Variants in HDAC4 observed in about 807,000 individuals in gnomAD.
The protein encoded by HDAC4 is histone deacetylase 4.
HDAC4 carries 16 observed loss-of-function variants against 135.1 expected under a neutral mutation model. The ratio of observed to expected loss-of-function variants is 0.12; its 90% CI spans 0.08 to 0.18. The LOEUF is 0.18. Ranked by LOEUF, HDAC4 falls within the 10% of genes least tolerant of loss-of-function variation. The pLI, the probability that HDAC4 is intolerant of heterozygous loss-of-function variation, is 1.00. For synonymous variants in HDAC4, 685 were observed against 653.4 expected (o/e 1.05, Z -0.74); for missense variants, 1,143 against 1,511.8 (o/e 0.76, Z 4.05).
In HDAC4 at chr2:239,189,926, C is replaced by T; in HGVS notation, c.246G>A (p.Gln82=). 1 of 1,610,758 alleles carries T rather than the reference C, an allele frequency of 6.2e-7. No homozygotes were observed. The highest frequency in any genetic ancestry group is 8.5e-7 in the Non-Finnish European group (1 of 1,179,922). Residue 82 remains glutamine (Q), a synonymous_variant, in exon 4 of 27, where the codon CAG becomes CAA. Coordinates refer to ENST00000543185, the MANE Select transcript of HDAC4 (RefSeq NM_001378414.1). The part of the protein sequence containing the change: ...QQELLALKQK[Q]QIQRQILIAE... ...CGATGAGGATCTGCCTCTGGATCTG[C>T]TGCTTCTGCTTGAGCGCCAGGAGCT...
intron 8 of HDAC4, among the ~76,000 whole-genome samples, chr2:239,143,096 C>T (rs1575173165): frequency 6.6e-6 from 1 of 152,356 alleles, no homozygotes; most frequent in East Asian, 1.9e-4. Context: ...GCTCAAATTA[C>T]ATCACAAGCT....
rs947211118 is a variant in HDAC4, at chr2:239,303,043, C to A, written c.22+49635G>T. 1.3e-5 allele frequency among the ~76,000 whole-genome samples: 2 copies of A among 151,642 alleles called. No individual in the cohort carries two copies. The highest frequency in any genetic ancestry group is 4.8e-5 in the African/African-American group (2 of 41,286). On this transcript the variant is annotated intron_variant, in intron 2 of 26. Transcript: ENST00000543185. This position sits in a 1 kb window ranked among gnomAD's most constrained non-coding sequence, Gnocchi z 5.1. ...CCCTGCCACCTCGGGAGTCCTCAAA[C>A]CCCCCCCGGGTGGGAGAGGTCATCA...
chr2:239,243,618 G>A (rs998579117), intron 2 of HDAC4, among the ~76,000 whole-genome samples: 7 of 152,160 alleles, frequency 4.6e-5, no homozygotes, highest in East Asian at 3.8e-4. Context: ...TAGGGCTACT[G>A]GGAAACAGTA....
chr2:239,245,749 A>G lies in HDAC4; in HGVS notation c.23-9085T>C, dbSNP rs1047655240. On this transcript the variant is annotated intron_variant, in intron 2 of 26. Coordinates refer to ENST00000543185, the MANE Select transcript of HDAC4 (RefSeq NM_001378414.1). The surrounding 1 kb of genome is among the most constrained non-coding windows in gnomAD (Gnocchi z 4.4). ...TCATAACAATTTTTCAAGAGATGCC[A>G]GGAATAAAGACGAGCCTGCCCCCAC... 3.2e-4 allele frequency among the ~76,000 whole-genome samples: 48 copies of G among 152,184 alleles called. No homozygotes were observed. The highest frequency in any genetic ancestry group is 1.1e-3 in the African/African-American group (47 of 41,426).
In HDAC4 at chr2:239,052,278, C is replaced by T. The variant is rs999588099; in HGVS notation, c.*819G>A. 1.3e-5 allele frequency: 2 copies of T among 152,326 alleles called. No homozygotes were observed. Among genetic ancestry groups the T allele is most frequent in the African/African-American group, 4.8e-5 (2 of 41,458 alleles). The allele number at this position is 152,326 out of a possible 1,614,324, so 9.4% of individuals were successfully genotyped here. ...TGGTGCCCGTGCTTGAGGCGTCAGG[C>T]CAGCTCGCGGTGCCAGCACTGCCAG... On this transcript the variant is annotated 3_prime_UTR_variant, in exon 27 of 27. Transcript: ENST00000543185.
intron 3 of HDAC4, among the ~76,000 whole-genome samples, chr2:239,208,318 C>T (rs2046168781): frequency 1.7e-5 from 2 of 117,948 alleles, no homozygotes; most frequent in Non-Finnish European, 3.3e-5. Flanking sequence ...CAGAGCGAGA[C>T]TCCGTCCCAA....
chr2:239,132,647 G>C (rs570350815), intron 11 of HDAC4, among the ~76,000 whole-genome samples: 1 of 152,202 alleles, frequency 6.6e-6, no homozygotes, highest in South Asian at 2.1e-4. Flanking sequence ...AGTTCAGTGC[G>C]TTTCTCAGAG....
intron 1 of HDAC4, among the ~76,000 whole-genome samples, chr2:239,394,542 G>C (rs566341959): frequency 6.6e-6 from 1 of 152,338 alleles, no homozygotes; most frequent in Admixed American, 6.5e-5. Flanking sequence ...CTGTGTTGAA[G>C]GCCCTTCTCC....
chr2:239,267,217 C>T (rs557369415), intron 2 of HDAC4, among the ~76,000 whole-genome samples: 4 of 152,314 alleles, frequency 2.6e-5, no homozygotes, highest in African/African-American at 4.8e-5. Context: ...GGGCAGTGCC[C>T]GGCCCACAGA....
At chr2:239,388,020 G>A (rs749283637) in intron 1 of HDAC4, among the ~76,000 whole-genome samples, 3 of 152,248 alleles carry the variant, frequency 2.0e-5, no homozygotes, top group East Asian at 1.9e-4. Context: ...AGGGACTAAC[G>A]GACCACACGT....
At chr2:239,266,499 G>A (rs1484998883) in intron 2 of HDAC4, among the ~76,000 whole-genome samples, 1 of 152,208 alleles carries the variant, frequency 6.6e-6, no homozygotes, top group African/African-American at 2.4e-5. Flanking sequence ...CGGGGCTGCT[G>A]AGGACAAATG....
chr2:239,083,264 C>T (rs551210188), intron 20 of HDAC4, among the ~76,000 whole-genome samples: 62 of 152,356 alleles, frequency 4.1e-4, no homozygotes, highest in Non-Finnish European at 7.8e-4. Context: ...AGTCTTTAGC[C>T]ATCAGCGACC....
intron 8 of HDAC4, chr2:239,140,931 C>T (rs566435429): frequency 2.2e-6 from 1 of 458,686 alleles, no homozygotes; most frequent in Non-Finnish European, 4.5e-6. Context: ...CCCCGAGCCA[C>T]AGTGAGGAGG....
chr2:239,083,620 A>T (rs573215598), intron 20 of HDAC4, among the ~76,000 whole-genome samples: 1 of 152,372 alleles, frequency 6.6e-6, no homozygotes, highest in South Asian at 2.1e-4. Flanking sequence ...TTCCGGTATA[A>T]GAATGAGTAT....
chr2:239,367,314 G>A (rs1300523456), intron 1 of HDAC4, among the ~76,000 whole-genome samples: 1 of 152,094 alleles, frequency 6.6e-6, no homozygotes, highest in African/African-American at 2.4e-5. Flanking sequence ...CCATAGACTG[G>A]CAAAGGGTAA....
intron 3 of HDAC4, among the ~76,000 whole-genome samples, chr2:239,235,206 G>A (rs2047815937): frequency 6.6e-6 from 1 of 151,962 alleles, no homozygotes; most frequent in Non-Finnish European, 1.5e-5. Context: ...CACCCCCCAA[G>A]AGGCCAGGGG....
chr2:239,220,996 C>A (rs571020809), intron 3 of HDAC4, among the ~76,000 whole-genome samples: 42 of 152,224 alleles, frequency 2.8e-4, no homozygotes, highest in Non-Finnish European at 2.9e-5. Flanking sequence ...ACTCCCTCAC[C>A]ACGAAGACCT....
rs551460716 is a variant in HDAC4 at position 239,303,197 on chromosome 2, C to T, written c.22+49481G>A. Among the ~76,000 whole-genome samples the T allele has an allele frequency of 4.6e-5, 7 of 152,346 alleles. No individual in the cohort carries two copies. Among genetic ancestry groups the T allele is most frequent in the East Asian group, 1.9e-4 (1 of 5,170 alleles). Reference sequence around the variant, plus strand: ...CCCTGGCCTGTTCCCATCCCACACCCGGCTGCTCAGGCCTGGGGACAGGAG... The same window carrying T: ...CCCTGGCCTGTTCCCATCCCACACCTGGCTGCTCAGGCCTGGGGACAGGAG... On this transcript the variant is annotated intron_variant, in intron 2 of 26. Transcript: ENST00000543185. This position sits in a 1 kb window ranked among gnomAD's most constrained non-coding sequence, Gnocchi z 5.1.
In HDAC4 at chr2:239,308,030, C is replaced by T. The variant is rs564240812; in HGVS notation, c.22+44648G>A. ...TGAGTGGCCACACAGCAACGAGCTG[C>T]GAGGAGCCAAGGATGGCCCATCCCA... On this transcript the variant is annotated intron_variant, in intron 2 of 26. Coordinates refer to ENST00000543185, the MANE Select transcript of HDAC4 (RefSeq NM_001378414.1). This position sits in a 1 kb window ranked among gnomAD's most constrained non-coding sequence, Gnocchi z 4.2. Among the ~76,000 whole-genome samples the T allele has an allele frequency of 2.6e-5, 4 of 152,282 alleles. No individual in the cohort carries two copies. Among genetic ancestry groups the T allele is most frequent in the South Asian group, 2.1e-4 (1 of 4,822 alleles).
Sources: allele counts gnomAD v4.1 joint callset (sites outside exome capture counted in the v4.1 genomes callset), GRCh38; gene constraint gnomAD v4.1.1; non-coding constraint Gnocchi (gnomAD v3.1); transcripts MANE v1.5; gene names NCBI Gene and HGNC (gene_info 2026-07-23, HGNC 2026-07-21).